POFUT3: variants seen among roughly 807,000 people sequenced by gnomAD.
The protein encoded by POFUT3 is GDP-fucose protein O-fucosyltransferase 3.
the POFUT3 span, among the ~76,000 whole-genome samples, chr8:33,324,010 G>T: frequency 2.6e-5 from 4 of 152,298 alleles, no homozygotes; most frequent in South Asian, 8.3e-4. Flanking sequence ...AATCAGGGCT[G>T]GGTGGTGGGA....
At chr8:33,399,679 G>A in the POFUT3 span, among the ~76,000 whole-genome samples, 1 of 151,542 alleles carries the variant, frequency 6.6e-6, no homozygotes, top group African/African-American at 2.4e-5. Context: ...TTTTGAGATG[G>A]AGTCTCACTG....
chr8:33,425,059 C>T, the POFUT3 span, among the ~76,000 whole-genome samples: 1 of 152,012 alleles, frequency 6.6e-6, no homozygotes, highest in Non-Finnish European at 1.5e-5. Flanking sequence ...GCTCAGAGGC[C>T]GGGTGCTGGC....
At chr8:33,447,039 C>T in the POFUT3 span, among the ~76,000 whole-genome samples, 12,398 of 152,194 alleles carry the variant, frequency 0.081, 647 homozygotes, top group African/African-American at 0.15. Context: ...TATTTCATTA[C>T]AAGCCTCTGG....
chr8:33,430,738 C>A, the POFUT3 span, among the ~76,000 whole-genome samples: 40 of 152,168 alleles, frequency 2.6e-4, no homozygotes, highest in African/African-American at 8.7e-4. Context: ...CCTCCCGAGT[C>A]GCTGGGATTA....
the POFUT3 span, among the ~76,000 whole-genome samples, chr8:33,324,640 C>T: frequency 5.9e-5 from 9 of 152,066 alleles, no homozygotes; most frequent in African/African-American, 1.7e-4. Flanking sequence ...AGTTATTACA[C>T]GCAAAACACT....
the POFUT3 span, among the ~76,000 whole-genome samples, chr8:33,421,014 A>G: frequency 6.6e-6 from 1 of 151,990 alleles, no homozygotes; most frequent in East Asian, 1.9e-4. Context: ...AGAAGACACT[A>G]TAGGAAAGAC....
At chr8:33,439,881 A>T in the POFUT3 span, among the ~76,000 whole-genome samples, 1 of 151,834 alleles carries the variant, frequency 6.6e-6, no homozygotes, top group Non-Finnish European at 1.5e-5. Context: ...AAAGCAAAAA[A>T]CGAAAAAGAA....
the POFUT3 span, among the ~76,000 whole-genome samples, chr8:33,360,394 C>T: frequency 4.6e-5 from 7 of 150,750 alleles, no homozygotes; most frequent in South Asian, 2.1e-4. Flanking sequence ...TGCAGTGAGC[C>T]GAGATGGTGC....
At chr8:33,317,176 C>A in the POFUT3 span, among the ~76,000 whole-genome samples, 1 of 152,094 alleles carries the variant, frequency 6.6e-6, no homozygotes, top group African/African-American at 2.4e-5. Context: ...GAAGTTATAG[C>A]CACAAAATAC....
chr8:33,412,847 C>A, the POFUT3 span, among the ~76,000 whole-genome samples: 1 of 152,158 alleles, frequency 6.6e-6, no homozygotes, highest in Non-Finnish European at 1.5e-5. Flanking sequence ...AGGCTGGTCT[C>A]AAACTCCTAG....
At chr8:33,366,318 A>C in the POFUT3 span, among the ~76,000 whole-genome samples, 3 of 152,166 alleles carry the variant, frequency 2.0e-5, no homozygotes, top group Non-Finnish European at 4.4e-5. Context: ...TGATGAGTTG[A>C]TGCGTGCAGC....
chr8:33,311,923 C>T, the POFUT3 span, among the ~76,000 whole-genome samples: 1 of 152,102 alleles, frequency 6.6e-6, no homozygotes, highest in Admixed American at 6.6e-5. Flanking sequence ...AAAGATGAAA[C>T]ATACTGAATT....
chr8:33,453,736 A>C, the POFUT3 span, among the ~76,000 whole-genome samples: 1 of 152,170 alleles, frequency 6.6e-6, no homozygotes, highest in African/African-American at 2.4e-5. Flanking sequence ...ACTTGAGACC[A>C]GGAGATTGAG....
chr8:33,378,685 C>T, the POFUT3 span, among the ~76,000 whole-genome samples: 8 of 152,258 alleles, frequency 5.3e-5, no homozygotes, highest in African/African-American at 1.9e-4. Context: ...CATAGCAATG[C>T]AGGAATTGCT....
chr8:33,427,286 A>G, the POFUT3 span, among the ~76,000 whole-genome samples: 3 of 152,024 alleles, frequency 2.0e-5, no homozygotes, highest in Non-Finnish European at 4.4e-5. Flanking sequence ...TAAAAACAAA[A>G]ACAAAAAAGG....
the POFUT3 span, among the ~76,000 whole-genome samples, chr8:33,309,138 TAAAAAAAAAAAAAA>T: frequency 2.4e-5 from 1 of 41,696 alleles, no homozygotes; most frequent in Admixed American, 3.6e-4. Context: ...CTGGGGAGTG[TAAAAAAAAAAAAAA>T]AAAAAAAAAA....
At chr8:33,467,712 T>C in the POFUT3 span, among the ~76,000 whole-genome samples, 1 of 152,154 alleles carries the variant, frequency 6.6e-6, no homozygotes, top group East Asian at 1.9e-4. Flanking sequence ...AACACTTTCA[T>C]CCTAAAATAA....
chr8:33,389,537 G>A, the POFUT3 span: 159 of 1,614,150 alleles, frequency 9.9e-5, no homozygotes, highest in South Asian at 5.4e-4. Flanking sequence ...ATACACCAGC[G>A]GAGCAAGTCT....
chr8:33,427,375 C>T, the POFUT3 span, among the ~76,000 whole-genome samples: 20 of 151,772 alleles, frequency 1.3e-4, no homozygotes, highest in Admixed American at 1.2e-3. Flanking sequence ...GTCGGGAGTT[C>T]GAGACCAGCC....
Sources: gnomAD v4.1 joint callset for allele counts (sites outside exome capture counted in the v4.1 genomes callset) on GRCh38, gnomAD v4.1.1 for gene constraint, MANE v1.5 for transcripts, NCBI Gene and HGNC (gene_info 2026-07-23, HGNC 2026-07-21) for gene names.